The following HPRT1 variants were observed in gnomAD, a reference collection of about 807,000 sequenced individuals.
HPRT1 encodes the protein hypoxanthine phosphoribosyltransferase 1, also known as hypoxanthine-guanine phosphoribosyltransferase.
In HPRT1, 4 loss-of-function variants were observed where a neutral mutation model predicts 19.0. That is an observed-to-expected ratio of 0.21 (90% CI 0.10 to 0.48). HPRT1 has a LOEUF of 0.48. HPRT1 is among the 20% of genes least tolerant of loss of function. HPRT1 has a pLI of 0.98. For synonymous variants in HPRT1, 53 were observed against 54.9 expected (o/e 0.97, Z 0.15); for missense variants, 65 against 164.0 (o/e 0.40, Z 3.30).
At chrX:134,467,799 G>A (rs2077600721) in intron 1 of HPRT1, among the ~76,000 whole-genome samples, 1 of 102,856 alleles carries the variant, frequency 9.7e-6, no homozygotes, top group African/African-American at 3.5e-5. Context: ...CACTTAACCT[G>A]TATCTTTTTT....
intron 1 of HPRT1, among the ~76,000 whole-genome samples, chrX:134,461,113 A>T (rs1482576330): frequency 4.5e-5 from 5 of 111,606 alleles, no homozygotes; most frequent in Admixed American, 2.9e-4. Flanking sequence ...TTGTTTGTTG[A>T]ACCGGCCAAG....
intron 1 of HPRT1, among the ~76,000 whole-genome samples, chrX:134,469,927 T>A (rs988779444): frequency 4.4e-5 from 5 of 112,623 alleles, no homozygotes; most frequent in African/African-American, 1.6e-4. Context: ...TTCATAAAAT[T>A]TATAAAATAC....
chrX:134,497,545 A>G (rs2077684536), intron 6 of HPRT1, among the ~76,000 whole-genome samples: 1 of 110,401 alleles, frequency 9.1e-6, no homozygotes, highest in East Asian at 2.9e-4. Flanking sequence ...GAGGCAGGAG[A>G]ATCGCTTGAA....
intron 5 of HPRT1, among the ~76,000 whole-genome samples, chrX:134,491,976 AATAT>A (rs1170401079): frequency 1.0e-5 from 1 of 98,388 alleles, no homozygotes; most frequent in Non-Finnish European, 2.0e-5. Flanking sequence ...CACATATATA[AATAT>A]ATATACATAT....
At chrX:134,493,761 A>G (rs1332414393) in intron 6 of HPRT1, among the ~76,000 whole-genome samples, 171 bp downstream of exon 6, 1 of 112,403 alleles carries the variant, frequency 8.9e-6, no homozygotes, top group Non-Finnish European at 1.9e-5. Flanking sequence ...ATGTGTTAAT[A>G]AAGCTCATAA....
chrX:134,466,424 GAAA>G (rs1205574444), intron 1 of HPRT1, among the ~76,000 whole-genome samples: 1 of 61,690 alleles, frequency 1.6e-5, no homozygotes. Context: ...TCTCAAAAAA[GAAA>G]AAAAAAAAAA....
At chrX:134,497,659 T>C (rs1016658191) in intron 6 of HPRT1, among the ~76,000 whole-genome samples, 4 of 106,072 alleles carry the variant, frequency 3.8e-5, no homozygotes, top group African/African-American at 1.4e-4. Flanking sequence ...AAGAAAAGAA[T>C]GTTGTGGCCA....
rs779817345 is a variant in HPRT1, at chrX:134,467,041, C to CTTTTT, written c.28-6301_28-6297dup. Reference sequence around the variant, plus strand: ...TATGCCTTTCCCACTAGATTTTAAGCTTTTTTTTTTTTTTTTTTTTTGTGA... The same window carrying CTTTTT: ...TATGCCTTTCCCACTAGATTTTAAGCTTTTTTTTTTTTTTTTTTTTTTTTTTGTGA... On this transcript the variant is annotated intron_variant, in intron 1 of 8. Coordinates refer to ENST00000298556, the MANE Select transcript of HPRT1 (RefSeq NM_000194.3). 3.3e-3 allele frequency among the ~76,000 whole-genome samples: 203 copies of CTTTTT among 60,974 alleles called. 3 individuals carry two copies. Among genetic ancestry groups the CTTTTT allele is most frequent in the African/African-American group, 7.3e-3 (99 of 13,641 alleles). The allele number at this position is 60,974 out of a possible 115,157, so 52.9% of individuals were successfully genotyped here.
Position 134,479,009 on chromosome X carries a change from ATATATTT to A in HPRT1, c.318+3646_318+3652del, listed in dbSNP as rs1048911191. Reference sequence around the variant, plus strand: ...TCTTAGAGCAATGAAATATAGTACTATATATTTGATGACCTTTTCTGCCCTGTGATAT... The same window carrying A: ...TCTTAGAGCAATGAAATATAGTACTAGATGACCTTTTCTGCCCTGTGATAT... On this transcript the variant is annotated intron_variant, in intron 3 of 8. Coordinates refer to ENST00000298556, the MANE Select transcript of HPRT1 (RefSeq NM_000194.3). Among the ~76,000 whole-genome samples the A allele has an allele frequency of 2.1e-4, 24 of 111,661 alleles. 1 individual carries two copies. The East Asian group carries it at 3.7e-3, about 17-fold the overall frequency.
At chrX:134,466,784 G>T (rs934309992) in intron 1 of HPRT1, among the ~76,000 whole-genome samples, 1 of 111,891 alleles carries the variant, frequency 8.9e-6, no homozygotes, top group African/African-American at 3.2e-5. Context: ...GTAGCAGAAA[G>T]GTGCTGGTCT....
intron 1 of HPRT1, among the ~76,000 whole-genome samples, chrX:134,473,008 C>T (rs940050186): frequency 1.8e-5 from 2 of 111,344 alleles, no homozygotes; most frequent in African/African-American, 6.5e-5. Context: ...CTGCCTCAGC[C>T]TCCCAAGTAG....
chrX:134,484,169 T>G (rs1167020051), intron 3 of HPRT1, among the ~76,000 whole-genome samples: 1 of 112,217 alleles, frequency 8.9e-6, no homozygotes, highest in East Asian at 2.8e-4. Context: ...CTTGAATATT[T>G]TTTCCTTTAT....
At chrX:134,474,813 A>C (rs1044425120) in intron 2 of HPRT1, among the ~76,000 whole-genome samples, 2 of 111,688 alleles carry the variant, frequency 1.8e-5, no homozygotes, top group African/African-American at 6.5e-5. Context: ...GTTTTTTTGA[A>C]GGTATCAAAT....
intron 5 of HPRT1, among the ~76,000 whole-genome samples, chrX:134,490,809 G>A (rs1424697337): frequency 1.8e-5 from 2 of 108,893 alleles, no homozygotes; most frequent in Non-Finnish European, 3.8e-5. Flanking sequence ...ACAAGTTTCC[G>A]AGTGATTCTG....
At chrX:134,490,282 GGA>G in intron 5 of HPRT1, 77 bp downstream of exon 5, 1 of 558,041 alleles carries the variant, frequency 1.8e-6, no homozygotes, top group Non-Finnish European at 2.9e-6. Flanking sequence ...GGTAAGCCAG[GGA>G]GAGAAATTCC....
intron 3 of HPRT1, among the ~76,000 whole-genome samples, chrX:134,484,631 A>G (rs1328753339): frequency 2.7e-5 from 3 of 112,398 alleles, no homozygotes; most frequent in Non-Finnish European, 5.6e-5. Context: ...TAAATGTTGA[A>G]TAAAAATGGT....
intron 4 of HPRT1, among the ~76,000 whole-genome samples, chrX:134,486,902 G>A (rs2077655289): frequency 9.2e-6 from 1 of 109,020 alleles, no homozygotes; most frequent in South Asian, 4.0e-4. Context: ...GCAGTATTAT[G>A]TAGTGGCTGA....
Position 134,499,992 on chromosome X carries a change from T to C in HPRT1, c.610-38T>C, listed in dbSNP as rs750877054. On this transcript the variant is annotated intron_variant, in intron 8 of 8. Transcript: ENST00000298556. ...TATTCTTGCCTTTCATTTCAGAATA[T>C]ACTTTTTAAATGTGAATTTCTGGAT... The C allele has an allele frequency of 8.5e-6, 8 of 940,822 alleles. No individual in the cohort carries two copies. In the African/African-American group the frequency reaches 1.3e-4, roughly 16 times the overall value. The allele number at this position is 940,822 out of a possible 1,213,427, so 77.5% of individuals were successfully genotyped here.
chrX:134,499,696 C>T (rs1393800457), intron 8 of HPRT1, among the ~76,000 whole-genome samples: 14 of 101,675 alleles, frequency 1.4e-4, no homozygotes, highest in Non-Finnish European at 1.6e-4. Context: ...CTCAGCTACT[C>T]GGGAGGCTGA....
Sources: allele counts gnomAD v4.1 joint callset (sites outside exome capture counted in the v4.1 genomes callset), GRCh38; gene constraint gnomAD v4.1.1; transcripts MANE v1.5; gene names NCBI Gene and HGNC (gene_info 2026-07-23, HGNC 2026-07-21).